PML: variants seen among roughly 807,000 people sequenced by gnomAD.
The protein encoded by PML is PML nuclear body scaffold.
In PML, 28 loss-of-function variants were observed where a neutral mutation model predicts 65.2. The ratio of observed to expected loss-of-function variants is 0.43; its 90% CI spans 0.32 to 0.59. The LOEUF (loss-of-function observed/expected upper bound fraction) is 0.59. Among genes scored for constraint, PML ranks in the 20% least tolerant of loss-of-function variants. PML has a pLI of 0.08. For missense variants in PML, 1,021 were observed against 1,203.4 expected (o/e 0.85, Z 2.24); for synonymous variants, 500 against 508.8 (o/e 0.98, Z 0.23).
At chr15:74,039,037 A>G (rs934588175) in intron 7 of PML, among the ~76,000 whole-genome samples, 3 of 152,224 alleles carry the variant, frequency 2.0e-5, no homozygotes, top group Non-Finnish European at 4.4e-5. Flanking sequence ...TGGAAAAGAT[A>G]GGTGTTTTCA....
At position 74,047,062 on chromosome 15, in the gene PML, C is replaced by T; in HGVS notation, c.*2054C>T. The T allele has an allele frequency of 4.3e-6, 1 of 230,310 alleles. No homozygotes were observed. Among genetic ancestry groups the T allele is most frequent in the East Asian group, 6.2e-5 (1 of 16,210 alleles). 14.3% of individuals were successfully genotyped at this position (230,310 alleles called of 1,614,324 possible). On this transcript the variant is annotated 3_prime_UTR_variant, in exon 9 of 9. Transcript: ENST00000268058. ...AGTGCCATGTGGCAGGAAAGAAGCACCGATTTCAAGAATTACTTCCTAGAG... is the reference window on the plus strand; with the variant it reads ...AGTGCCATGTGGCAGGAAAGAAGCATCGATTTCAAGAATTACTTCCTAGAG...
chr15:74,040,330 G>A (rs1222573455), intron 7 of PML, among the ~76,000 whole-genome samples: 5 of 152,104 alleles, frequency 3.3e-5, no homozygotes, highest in East Asian at 3.9e-4. Flanking sequence ...GTCCTCACAC[G>A]CAGGCTCAAG....
At position 74,023,064 on chromosome 15, in the gene PML, G is replaced by A; in HGVS notation, c.839G>A (p.Arg280His). 1.2e-6 allele frequency: 2 copies of A among 1,602,772 alleles called. No individual in the cohort carries two copies. Among genetic ancestry groups the A allele is most frequent in the Non-Finnish European group, 1.7e-6 (2 of 1,178,452 alleles). The change falls in exon 3 of 9, where the codon CGC becomes CAC. Residue 280 changes from arginine to histidine, a missense_variant. By Grantham distance (29) the Arg-to-His change is conservative. Transcript: ENST00000268058. ...RARAETEELI[R>H]ERVRQVVAHV... ...CGTGCCGAGACCGAGGAGCTGATCC[G>A]CGAGCGCGTGCGCCAGGTGGTAGCT... is the stretch of plus-strand genomic sequence containing the variant.
intron 2 of PML, among the ~76,000 whole-genome samples, chr15:74,019,802 T>C (rs969073795): frequency 6.6e-5 from 10 of 152,256 alleles, no homozygotes; most frequent in African/African-American, 2.4e-4. Context: ...CCAGTACTCC[T>C]ATTATTAACC....
At chr15:74,028,836 T>TAAAAAGAAAGGAATAAG (rs1322267829) in intron 4 of PML, among the ~76,000 whole-genome samples, 46 of 152,378 alleles carry the variant, frequency 3.0e-4, no homozygotes, top group African/African-American at 8.4e-4. Context: ...GAATTTCCTT[T>TAAAAAGAAAGGAATAAG]CTTTTTAAAG....
At chr15:74,023,998 G>A (rs952304121) in intron 3 of PML, among the ~76,000 whole-genome samples, 1 of 152,162 alleles carries the variant, frequency 6.6e-6, no homozygotes, top group Non-Finnish European at 1.5e-5. Context: ...AGGAGCCAGA[G>A]CCACTTCACG....
chr15:73,999,725 G>A (rs1275408072), intron 2 of PML, among the ~76,000 whole-genome samples: 1 of 151,984 alleles, frequency 6.6e-6, no homozygotes, highest in African/African-American at 2.4e-5. Flanking sequence ...TACAATTTAT[G>A]CAGTTTTAAA....
Position 73,994,952 on chromosome 15 carries a change from G to T in PML, c.129+11G>T, listed in dbSNP as rs963940417. On this transcript the variant is annotated intron_variant, in intron 1 of 8. Transcript: ENST00000268058. ...CCCAGCCCTACAGAGGTACTATTGG[G>T]TTAGGGGATGATGGGGTTAAGCTTT... 19 of 1,530,966 alleles carry T rather than the reference G, an allele frequency of 1.2e-5. No homozygotes were observed. The East Asian group carries it at 4.4e-4, about 36-fold the overall frequency. 94.8% of individuals were successfully genotyped at this position (1,530,966 alleles called of 1,614,324 possible).
chr15:74,043,377 C>A lies in PML; in HGVS notation c.1861+238C>A. ...TGTGCGAGAGAGGCAGATGCCTCCACAAGTGCACCTCTGACCAGTTCTTCT... is the reference window on the plus strand; with the variant it reads ...TGTGCGAGAGAGGCAGATGCCTCCAAAAGTGCACCTCTGACCAGTTCTTCT... On this transcript the variant is annotated intron_variant, in intron 8 of 8. Coordinates refer to ENST00000268058, the MANE Select transcript of PML (RefSeq NM_033238.3). The surrounding 1 kb of genome is among the most constrained non-coding windows in gnomAD (Gnocchi z 4.3). 1 of 1,437,200 alleles carries A rather than the reference C, an allele frequency of 7.0e-7. No homozygotes were observed. Among genetic ancestry groups the A allele is most frequent in the Non-Finnish European group, 9.1e-7 (1 of 1,102,448 alleles). The allele number at this position is 1,437,200 out of a possible 1,614,324, so 89.0% of individuals were successfully genotyped here. A position where few individuals can be genotyped will look rare whatever the true frequency, so the allele number is the denominator to read the frequency against.
At chr15:74,016,814 T>TTTTTTTTTTTA (rs869155838) in intron 2 of PML, among the ~76,000 whole-genome samples, 2 of 144,716 alleles carry the variant, frequency 1.4e-5, no homozygotes, top group African/African-American at 2.6e-5. Context: ...TTTTTTTTTT[T>TTTTTTTTTTTA]GAGATGGAGT....
At chr15:74,034,711 C>T (rs2141877514) in intron 7 of PML, 181 bp downstream of exon 7, 1 of 1,519,176 alleles carries the variant, frequency 6.6e-7, no homozygotes, top group Non-Finnish European at 8.8e-7. Flanking sequence ...CCTGGACCAC[C>T]CCAGCCCTCC....
rs762214399 is a variant in PML, at chr15:74,044,874, C to T, written c.2515C>T (p.Pro839Ser). 2 of 1,613,548 alleles carry T rather than the reference C, an allele frequency of 1.2e-6. No homozygotes were observed. Among genetic ancestry groups the T allele is most frequent in the Non-Finnish European group, 1.7e-6 (2 of 1,180,016 alleles). The change falls in exon 9 of 9, where the codon CCT becomes TCT. Residue 839 changes from proline (P) to serine (S), a missense_variant. Coordinates refer to ENST00000268058, the MANE Select transcript of PML (RefSeq NM_033238.3). ...LQTTTLPPAQPAFNLQALGTY... is the reference protein window; with the variant it reads ...LQTTTLPPAQSAFNLQALGTY... The stretch of plus-strand genomic sequence containing the variant: ...GACCACCACGTTGCCCCCTGCCCAG[C>T]CTGCTTTCAACCTGCAGGCTCTGGG...
Position 74,046,603 on chromosome 15 carries a change from G to A in PML, c.*1595G>A, listed in dbSNP as rs571387350. 8.2e-5 allele frequency: 19 copies of A among 232,528 alleles called. No individual in the cohort carries two copies. Among genetic ancestry groups the A allele is most frequent in the South Asian group, 1.8e-4 (1 of 5,522 alleles). 14.4% of individuals were successfully genotyped at this position (232,528 alleles called of 1,614,324 possible). A position where few individuals can be genotyped will look rare whatever the true frequency, so the allele number is the denominator to read the frequency against. ...CTGATGCCAGACTGTTAAAACAGGC[G>A]CTGGTTCTGAAGCACCGATGGAAAC... On this transcript the variant is annotated 3_prime_UTR_variant, in exon 9 of 9. Coordinates refer to ENST00000268058, the MANE Select transcript of PML (RefSeq NM_033238.3).
At position 74,042,867 on chromosome 15, in the gene PML, C is replaced by T; in HGVS notation, c.1711-122C>T. ...TCTCTTGTGCACACGTCCCCTTTCC[C>T]AGTGGTACACCCTCCTTCATGTGCA... On this transcript the variant is annotated intron_variant, in intron 7 of 8. Coordinates refer to ENST00000268058, the MANE Select transcript of PML (RefSeq NM_033238.3). The surrounding 1 kb of genome is among the most constrained non-coding windows in gnomAD (Gnocchi z 5.3). 4 of 1,585,690 alleles carry T rather than the reference C, an allele frequency of 2.5e-6. No individual in the cohort carries two copies. Among genetic ancestry groups the T allele is most frequent in the Non-Finnish European group, 3.4e-6 (4 of 1,171,458 alleles).
chr15:73,999,832 T>A (rs74417967), intron 2 of PML, among the ~76,000 whole-genome samples: 1 of 150,844 alleles, frequency 6.6e-6, no homozygotes, highest in Admixed American at 6.6e-5. Flanking sequence ...AAATTTTTTT[T>A]AATTTTTTTT....
chr15:74,001,516 T>A (rs897610238), intron 2 of PML, among the ~76,000 whole-genome samples: 1 of 152,064 alleles, frequency 6.6e-6, no homozygotes, highest in Non-Finnish European at 1.5e-5. Context: ...ATTTTTTTTA[T>A]TTTTAGTAGA....
chr15:73,998,580 G>A, intron 2 of PML, 104 bp downstream of exon 2: 1 of 990,872 alleles, frequency 1.0e-6, no homozygotes, highest in Non-Finnish European at 1.5e-6. Flanking sequence ...AGGAGCTTCT[G>A]GGGCCTTGCA....
Position 74,037,234 on chromosome 15 carries a change from T to TTC in PML, c.1710+2706_1710+2707dup, listed in dbSNP as rs1327336263. 1.0e-6 allele frequency: 1 copy of TTC among 985,318 alleles called. No homozygotes were observed. The highest frequency in any genetic ancestry group is 1.2e-6 in the Non-Finnish European group (1 of 829,942). 61.0% of individuals were successfully genotyped at this position (985,318 alleles called of 1,614,324 possible). ...CTCACCCTCAGCTGATGGCGGCACCTTCTGCTCCAGGGAGAAAACAGGAGC... is the reference window on the plus strand; with the variant it reads ...CTCACCCTCAGCTGATGGCGGCACCTTCTCTGCTCCAGGGAGAAAACAGGAGC... On this transcript the variant is annotated intron_variant, in intron 7 of 8. Transcript: ENST00000268058. This position sits in a 1 kb window ranked among gnomAD's most constrained non-coding sequence, Gnocchi z 4.2.
chr15:74,030,102 C>T (rs967575267), intron 4 of PML, among the ~76,000 whole-genome samples: 1 of 152,118 alleles, frequency 6.6e-6, no homozygotes. Flanking sequence ...ACTCACATGC[C>T]CAGCAGCCTC....
Sources: gnomAD v4.1 joint callset for allele counts (sites outside exome capture counted in the v4.1 genomes callset) on GRCh38, gnomAD v4.1.1 for gene constraint, Gnocchi (gnomAD v3.1) non-coding constraint, MANE v1.5 for transcripts, NCBI Gene and HGNC (gene_info 2026-07-23, HGNC 2026-07-21) for gene names.